The following FRRS1L variants were observed in gnomAD, a reference collection of about 807,000 sequenced individuals.
FRRS1L encodes the protein DOMON domain-containing protein FRRS1L.
Under a neutral mutation model 28.6 loss-of-function variants are expected in FRRS1L, and 22 were observed. The ratio of observed to expected loss-of-function variants is 0.77; its 90% CI spans 0.55 to 1.10. The LOEUF (loss-of-function observed/expected upper bound fraction) is 1.10, where lower values mean the gene tolerates loss of function less well. FRRS1L is among the 50% of genes least tolerant of loss of function. The pLI, the probability that FRRS1L is intolerant of heterozygous loss-of-function variation, is 0.00. For synonymous variants in FRRS1L, 158 were observed against 151.4 expected (o/e 1.04, Z -0.32); for missense variants, 380 against 386.9 (o/e 0.98, Z 0.15).
intron 1 of FRRS1L, among the ~76,000 whole-genome samples, chr9:109,161,305 C>T (rs1294902789): frequency 6.6e-6 from 1 of 152,086 alleles, no homozygotes; most frequent in Non-Finnish European, 1.5e-5. Context: ...CATTTTGATG[C>T]TATTTTTTTC....
chr9:109,139,064 T>C (rs1027372191), intron 4 of FRRS1L: 2 of 151,942 alleles, frequency 1.3e-5, no homozygotes, highest in African/African-American at 4.8e-5. Flanking sequence ...CTGGGTGTGG[T>C]GGTGGGCATC....
Position 109,155,001 on chromosome 9 carries a change from C to T in FRRS1L, c.239-5281G>A, listed in dbSNP as rs778011616. Among the ~76,000 whole-genome samples the T allele has an allele frequency of 3.9e-5, 6 of 152,196 alleles. No homozygotes were observed. The South Asian group carries it at 6.2e-4, about 16-fold the overall frequency. On this transcript the variant is annotated intron_variant, in intron 1 of 4. Coordinates refer to ENST00000561981, the MANE Select transcript of FRRS1L (RefSeq NM_014334.4). ...GAAACTCTTGCATGATTACCTTACACGATAATTACCAAACTGCCTTCAGCA... is the reference window on the plus strand; with the variant it reads ...GAAACTCTTGCATGATTACCTTACATGATAATTACCAAACTGCCTTCAGCA...
intron 1 of FRRS1L, among the ~76,000 whole-genome samples, chr9:109,166,192 T>C (rs1234002827): frequency 1.3e-5 from 2 of 152,190 alleles, no homozygotes; most frequent in Non-Finnish European, 2.9e-5. Flanking sequence ...TTCCATTCCT[T>C]CTGACCACCA....
At position 109,131,645 on chromosome 9, in the gene FRRS1L, T is replaced by G. The variant is rs995691939; in HGVS notation, c.*5810A>C. 1.3e-5 allele frequency: 2 copies of G among 152,200 alleles called. No individual in the cohort carries two copies. The highest frequency in any genetic ancestry group is 4.1e-4 in the South Asian group (2 of 4,828). The allele number at this position is 152,200 out of a possible 1,614,324, so 9.4% of individuals were successfully genotyped here. A position where few individuals can be genotyped will look rare whatever the true frequency, so the allele number is the denominator to read the frequency against. Reference sequence around the variant, plus strand: ...TTATGGGACATAACCCCATTGTAAGTTGTAGGAATGTATCAAATGTATATC... The same window carrying G: ...TTATGGGACATAACCCCATTGTAAGGTGTAGGAATGTATCAAATGTATATC... On this transcript the variant is annotated 3_prime_UTR_variant, in exon 5 of 5. Transcript: ENST00000561981.
At chr9:109,156,185 T>A (rs528379873) in intron 1 of FRRS1L, among the ~76,000 whole-genome samples, 31 of 152,230 alleles carry the variant, frequency 2.0e-4, no homozygotes, top group African/African-American at 7.5e-4. Context: ...TTCTCCTTTT[T>A]AATTTCATAC....
intron 3 of FRRS1L, among the ~76,000 whole-genome samples, chr9:109,144,182 C>A (rs1276182873): frequency 6.6e-6 from 1 of 152,090 alleles, no homozygotes; most frequent in African/African-American, 2.4e-5. Context: ...AATATCTATC[C>A]ATGCAGTCTT....
intron 1 of FRRS1L, among the ~76,000 whole-genome samples, chr9:109,166,099 A>G (rs140319441): frequency 6.6e-6 from 1 of 152,340 alleles, no homozygotes; most frequent in East Asian, 1.9e-4. Flanking sequence ...CAACACTTCA[A>G]ACCCCAGCTT....
chr9:109,145,091 C>T (rs1385689178), intron 3 of FRRS1L, among the ~76,000 whole-genome samples: 1 of 152,198 alleles, frequency 6.6e-6, no homozygotes, highest in East Asian at 1.9e-4. Flanking sequence ...GTGCTCTAGG[C>T]AGAAACAGCC....
chr9:109,149,776 G>C, intron 1 of FRRS1L, 56 bp from the exon 2 acceptor site: 1 of 1,195,258 alleles, frequency 8.4e-7, no homozygotes. Context: ...GTTCCAATGA[G>C]AATTTTTAAA....
At chr9:109,148,136 T>C (rs1831287529) in intron 2 of FRRS1L, 1 of 152,106 alleles carries the variant, frequency 6.6e-6, no homozygotes, top group Admixed American at 6.6e-5. Context: ...ACCTGGCTAA[T>C]TTTTGTATTT....
In FRRS1L at chr9:109,149,572, A is replaced by T. The variant is rs950241389; in HGVS notation, c.323+64T>A. 3.6e-6 allele frequency: 4 copies of T among 1,106,072 alleles called. No individual in the cohort carries two copies. The African/African-American group carries it at 6.1e-5, about 17-fold the overall frequency. The allele number at this position is 1,106,072 out of a possible 1,614,324, so 68.5% of individuals were successfully genotyped here. The stretch of plus-strand genomic sequence containing the variant: ...ATTAGAAGGAACTGCATGCAATTTA[A>T]ATACTACCCTGAGAAGTAAATCAGT... On this transcript the variant is annotated intron_variant, in intron 2 of 4. Coordinates refer to ENST00000561981, the MANE Select transcript of FRRS1L (RefSeq NM_014334.4).
intron 2 of FRRS1L, 163 bp from the exon 3 acceptor site, chr9:109,147,352 C>G (rs556206235): frequency 3.3e-5 from 20 of 612,616 alleles, no homozygotes; most frequent in Middle Eastern, 4.4e-4. Context: ...TTAGGAGGAA[C>G]CTTAGAGATG....
At chr9:109,153,902 A>G (rs892594072) in intron 1 of FRRS1L, among the ~76,000 whole-genome samples, 5 of 152,232 alleles carry the variant, frequency 3.3e-5, no homozygotes, top group Non-Finnish European at 5.9e-5. Context: ...GCTACAACCC[A>G]GCCTTCTATA....
chr9:109,167,084 G>A lies in FRRS1L; in HGVS notation c.55C>T (p.Leu19=). The A allele has an allele frequency of 8.5e-7, 1 of 1,177,928 alleles. No homozygotes were observed. Among genetic ancestry groups the A allele is most frequent in the Non-Finnish European group, 1.0e-6 (1 of 956,012 alleles). The allele number at this position is 1,177,928 out of a possible 1,614,324, so 73.0% of individuals were successfully genotyped here. A position where few individuals can be genotyped will look rare whatever the true frequency, so the allele number is the denominator to read the frequency against. ...GCGCAGGCGGCGGGCCCCGTCAGTA[G>A]CAGCAGGAGCAGCGACGCCCAGACC... ...PGVWASLLLL[L]LTGPAACAAS... The change falls in exon 1 of 5, where the codon CTA becomes TTA. Residue 19 remains leucine, a synonymous_variant. Transcript: ENST00000561981.
At chr9:109,156,233 T>C (rs1831401630) in intron 1 of FRRS1L, among the ~76,000 whole-genome samples, 1 of 152,226 alleles carries the variant, frequency 6.6e-6, no homozygotes, top group African/African-American at 2.4e-5. Flanking sequence ...CCTTGATTGG[T>C]CATGCCAGAA....
At chr9:109,155,639 G>T (rs1295530560) in intron 1 of FRRS1L, among the ~76,000 whole-genome samples, 6 of 151,186 alleles carry the variant, frequency 4.0e-5, no homozygotes, top group East Asian at 1.9e-4. Context: ...GGGAGGTGGA[G>T]GTTGCAGTGA....
rs1022132079 is a variant in FRRS1L, at chr9:109,135,361, A to T, written c.*2094T>A. On this transcript the variant is annotated 3_prime_UTR_variant, in exon 5 of 5. Transcript: ENST00000561981. ...CAGTTAGCACAGACATTTGGAACAA[A>T]GAACAAAGGAGTCCTTTGGGGCGCC... is the stretch of plus-strand genomic sequence containing the variant. 1 of 152,266 alleles carries T rather than the reference A, an allele frequency of 6.6e-6. No homozygotes were observed. Among genetic ancestry groups the T allele is most frequent in the African/African-American group, 2.4e-5 (1 of 41,466 alleles). 9.4% of individuals were successfully genotyped at this position (152,266 alleles called of 1,614,324 possible).
At chr9:109,157,455 T>G (rs1016329287) in intron 1 of FRRS1L, among the ~76,000 whole-genome samples, 1 of 152,208 alleles carries the variant, frequency 6.6e-6, no homozygotes, top group African/African-American at 2.4e-5. Context: ...GGCACAATCA[T>G]GGCTCATTGC....
rs1013501143 is a variant in FRRS1L at position 109,134,090 on chromosome 9, T to C, written c.*3365A>G. ...CAGTGTTTGCTAACATAATTATTTA[T>C]GGTTTGAGCATAGGAGGAAGAATAT... On this transcript the variant is annotated 3_prime_UTR_variant, in exon 5 of 5. Transcript: ENST00000561981. The C allele has an allele frequency of 1.3e-5, 2 of 152,208 alleles. No homozygotes were observed. The highest frequency in any genetic ancestry group is 2.9e-5 in the Non-Finnish European group (2 of 68,038). 9.4% of individuals were successfully genotyped at this position (152,208 alleles called of 1,614,324 possible). A position where few individuals can be genotyped will look rare whatever the true frequency, so the allele number is the denominator to read the frequency against.
Sources: allele counts gnomAD v4.1 joint callset (sites outside exome capture counted in the v4.1 genomes callset), GRCh38; gene constraint gnomAD v4.1.1; transcripts MANE v1.5; gene names NCBI Gene and HGNC (gene_info 2026-07-23, HGNC 2026-07-21).